The following CTNS variants were observed in gnomAD, a reference collection of about 807,000 sequenced individuals.
CTNS encodes the protein cystinosin, lysosomal cystine transporter, also known as cystinosin.
CTNS carries 27 observed loss-of-function variants against 43.7 expected under a neutral mutation model. That is an observed-to-expected ratio of 0.62 (90% CI 0.46 to 0.85). The LOEUF is 0.85. Ranked by LOEUF, CTNS falls within the 40% of genes least tolerant of loss-of-function variation. CTNS has a pLI of 0.00. For synonymous variants in CTNS, 187 were observed against 190.6 expected, an observed-to-expected ratio of 0.98 and a Z score of 0.16; for missense variants, 457 against 475.4, an observed-to-expected ratio of 0.96 and a Z score of 0.36.
At chr17:3,658,245 C>T (rs2076202757) in intron 10 of CTNS, 70 bp downstream of exon 10, 3 of 1,582,776 alleles carry the variant, frequency 1.9e-6, no homozygotes, top group Non-Finnish European at 2.6e-6. Context: ...AGGCCCTGCT[C>T]CGGTGGGGCA....
chr17:3,657,954 C>G lies in CTNS; in HGVS notation c.682-51C>G, dbSNP rs754397200. On this transcript the variant is annotated intron_variant, in intron 9 of 11. Coordinates refer to ENST00000046640, the MANE Select transcript of CTNS (RefSeq NM_004937.3). ...TATCCGGGGCCGTCCTTGCTCAGCC[C>G]CGGCGTGGCCTCTGTGTGGGTCCAC... 7 of 1,598,740 alleles carry G rather than the reference C, an allele frequency of 4.4e-6. No homozygotes were observed. In the South Asian group the frequency reaches 7.7e-5, roughly 18 times the overall value.
At chr17:3,655,379 C>A in intron 7 of CTNS, 27 bp downstream of exon 7, 1 of 1,613,368 alleles carries the variant, frequency 6.2e-7, no homozygotes, top group South Asian at 1.1e-5. Context: ...TATGTGCAGG[C>A]TCTCTCGGGG....
At chr17:3,639,256 T>A (rs748106782) in intron 2 of CTNS, among the ~76,000 whole-genome samples, 11 of 152,024 alleles carry the variant, frequency 7.2e-5, no homozygotes, top group Non-Finnish European at 1.6e-4. Context: ...GTGTCTTGGG[T>A]TTACAGGAAT....
chr17:3,657,874 C>T, intron 9 of CTNS, 131 bp from the exon 10 acceptor site: 1 of 965,580 alleles, frequency 1.0e-6, no homozygotes, highest in East Asian at 2.5e-5. Context: ...CCCCACCTTG[C>T]AGGGGCTCCT....
chr17:3,659,850 T>C lies in CTNS; in HGVS notation c.853-8T>C, dbSNP rs1251851254. The C allele has an allele frequency of 6.2e-7, 1 of 1,609,626 alleles. No homozygotes were observed. The highest frequency in any genetic ancestry group is 1.1e-5 in the South Asian group (1 of 91,000). ...CCCTCCGTCTGTCTGTCCGTCTGTC[T>C]GGCCCAGGCCTACATGAACTTTTAC... On this transcript the variant is annotated splice_region_variant and splice_polypyrimidine_tract_variant and intron_variant, in intron 10 of 11. Coordinates refer to ENST00000046640, the MANE Select transcript of CTNS (RefSeq NM_004937.3).
rs2076285601 is a variant in CTNS at position 3,662,065 on chromosome 17, C to T, written c.*1696C>T. 6.6e-6 allele frequency among the ~76,000 whole-genome samples: 1 copy of T among 152,166 alleles called. No homozygotes were observed. The highest frequency in any genetic ancestry group is 2.1e-4 in the South Asian group (1 of 4,830). Reference sequence around the variant, plus strand: ...GTGGCTCACGCCTGTAATCCCAGCACTTTGGGAGGCCAAGGCAGATGGATC... The same window carrying T: ...GTGGCTCACGCCTGTAATCCCAGCATTTTGGGAGGCCAAGGCAGATGGATC... On this transcript the variant is annotated 3_prime_UTR_variant, in exon 12 of 12. Coordinates refer to ENST00000046640, the MANE Select transcript of CTNS (RefSeq NM_004937.3).
In CTNS at chr17:3,660,129, G is replaced by C; in HGVS notation, c.971-107G>C. ...ACCCACCTAGGGGCCTTCGTAGCTGGAGGCTTTGTGGTTTTCTGGGACCCC... is the reference window on the plus strand; with the variant it reads ...ACCCACCTAGGGGCCTTCGTAGCTGCAGGCTTTGTGGTTTTCTGGGACCCC... On this transcript the variant is annotated intron_variant, in intron 11 of 11. Coordinates refer to ENST00000046640, the MANE Select transcript of CTNS (RefSeq NM_004937.3). 2.6e-6 allele frequency: 4 copies of C among 1,537,608 alleles called. No individual in the cohort carries two copies. In the South Asian group the frequency reaches 4.5e-5, roughly 17 times the overall value.
At position 3,657,997 on chromosome 17, in the gene CTNS, GC is replaced by G; in HGVS notation, c.682-3del. 13 of 1,607,290 alleles carry G rather than the reference GC, an allele frequency of 8.1e-6. No individual in the cohort carries two copies. Among genetic ancestry groups the G allele is most frequent in the Non-Finnish European group, 1.0e-5 (12 of 1,179,824 alleles). ...GGGTCCACATCTCTGCCCTCCTCTC[GC>G]CCCCAGCGCGGTGGCCAGCGCGTGT... On this transcript the variant is annotated splice_polypyrimidine_tract_variant and splice_region_variant and intron_variant, in intron 9 of 11. Coordinates refer to ENST00000046640, the MANE Select transcript of CTNS (RefSeq NM_004937.3).
intron 5 of CTNS, among the ~76,000 whole-genome samples, chr17:3,654,594 C>T (rs1257935718): frequency 6.6e-6 from 1 of 151,744 alleles, no homozygotes; most frequent in Non-Finnish European, 1.5e-5. Context: ...GGCAGGAGAA[C>T]CGCTTGAACT....
intron 5 of CTNS, chr17:3,650,125 A>G (rs2075944458): frequency 6.5e-7 from 1 of 1,544,514 alleles, no homozygotes; most frequent in Non-Finnish European, 8.8e-7. Flanking sequence ...ATCACGTTAT[A>G]TACTGCAAAT....
At chr17:3,638,630 G>A (rs1003958279) in intron 2 of CTNS, among the ~76,000 whole-genome samples, 26 of 152,208 alleles carry the variant, frequency 1.7e-4, no homozygotes, top group Admixed American at 1.4e-3. Context: ...CAGCCTTTGA[G>A]GCTTGGGAAT....
In CTNS at chr17:3,663,065, A is replaced by T. The variant is rs1210366583; in HGVS notation, c.*2696A>T. On this transcript the variant is annotated 3_prime_UTR_variant, in exon 12 of 12. Transcript: ENST00000046640. ...AAAGAGTACGATAAAAACATTTTGT[A>T]TCAAACTTGTGATTAAAAAAATACA... The T allele has an allele frequency of 1.3e-5, 2 of 152,258 alleles. No individual in the cohort carries two copies. Among genetic ancestry groups the T allele is most frequent in the African/African-American group, 2.4e-5 (1 of 41,472 alleles). 9.4% of individuals were successfully genotyped at this position (152,258 alleles called of 1,614,324 possible). A position where few individuals can be genotyped will look rare whatever the true frequency, so the allele number is the denominator to read the frequency against.
Position 3,661,299 on chromosome 17 carries a change from C to T in CTNS, c.*930C>T. On this transcript the variant is annotated 3_prime_UTR_variant, in exon 12 of 12. Transcript: ENST00000046640. ...TACTTGAGACTCACCAATTTCTGGC[C>T]TGTTCAGGAGCCTCAGATAAGTATT... 5.5e-6 allele frequency: 1 copy of T among 180,538 alleles called. No individual in the cohort carries two copies. The highest frequency in any genetic ancestry group is 1.2e-5 in the Non-Finnish European group (1 of 83,768). 11.2% of individuals were successfully genotyped at this position (180,538 alleles called of 1,614,324 possible). A position where few individuals can be genotyped will look rare whatever the true frequency, so the allele number is the denominator to read the frequency against.
At chr17:3,640,106 G>C in intron 2 of CTNS, 82 bp from the exon 3 acceptor site, 1 of 1,130,332 alleles carries the variant, frequency 8.8e-7, no homozygotes, top group Non-Finnish European at 1.3e-6. Context: ...AGCCATCCAT[G>C]CTCCAGAGGG....
intron 5 of CTNS, among the ~76,000 whole-genome samples, chr17:3,652,118 A>G (rs1012783853): frequency 3.3e-5 from 5 of 151,948 alleles, no homozygotes; most frequent in Non-Finnish European, 7.4e-5. Flanking sequence ...CCCCTCTACT[A>G]CCCGTGATGC....
At chr17:3,660,184 G>A (rs899173858) in intron 11 of CTNS, 52 bp from the exon 12 acceptor site, 28 of 1,612,760 alleles carry the variant, frequency 1.7e-5, no homozygotes, top group Non-Finnish European at 2.0e-5. Context: ...AGCTCCAGCT[G>A]CCTCAGGAGC....
At chr17:3,641,758 A>G (rs2075714548) in intron 3 of CTNS, among the ~76,000 whole-genome samples, 3 of 152,092 alleles carry the variant, frequency 2.0e-5, no homozygotes, top group Admixed American at 2.0e-4. Context: ...AGGTTTCCCC[A>G]GAGCCTAGCA....
intron 5 of CTNS, among the ~76,000 whole-genome samples, chr17:3,649,170 C>G (rs1327438956): frequency 6.6e-6 from 1 of 152,148 alleles, no homozygotes; most frequent in South Asian, 2.1e-4. Context: ...ACGTTCTTAC[C>G]GGGAGTGGTG....
intron 2 of CTNS, among the ~76,000 whole-genome samples, chr17:3,639,425 T>C (rs1242873370): frequency 1.3e-5 from 2 of 152,128 alleles, no homozygotes; most frequent in African/African-American, 4.8e-5. Context: ...CCCAGCACTT[T>C]GGGAGGCTGA....
Sources: allele counts gnomAD v4.1 joint callset (sites outside exome capture counted in the v4.1 genomes callset), GRCh38; gene constraint gnomAD v4.1.1; transcripts MANE v1.5; gene names NCBI Gene and HGNC (gene_info 2026-07-23, HGNC 2026-07-21).